ROBO1: variants seen among roughly 807,000 people sequenced by gnomAD.
ROBO1 encodes roundabout guidance receptor 1.
A neutral mutation model predicts 195.9 loss-of-function variants in ROBO1; 149 were observed. The ratio of observed to expected loss-of-function variants is 0.76; its 90% CI spans 0.67 to 0.87. The LOEUF (loss-of-function observed/expected upper bound fraction) is 0.87, where lower values mean the gene tolerates loss of function less well. Ranked by LOEUF, ROBO1 falls within the 40% of genes least tolerant of loss-of-function variation. The pLI, the probability that ROBO1 is intolerant of heterozygous loss-of-function variation, is 0.00. For missense variants in ROBO1, 1,933 were observed against 2,068.3 expected (o/e 0.93, Z 1.27); for synonymous variants, 816 against 733.2 (o/e 1.11, Z -1.82).
intron 2 of ROBO1, among the ~76,000 whole-genome samples, chr3:79,440,669 T>C (rs1328299380): frequency 6.6e-6 from 1 of 152,124 alleles, no homozygotes; most frequent in Non-Finnish European, 1.5e-5. Flanking sequence ...GAACCATAGA[T>C]ACTGTGGGAC....
chr3:79,497,737 A>G (rs1375997247), intron 2 of ROBO1, among the ~76,000 whole-genome samples: 1 of 152,202 alleles, frequency 6.6e-6, no homozygotes, highest in Non-Finnish European at 1.5e-5. Flanking sequence ...GGTGCTTTCA[A>G]TATGTGCAAT....
At chr3:79,171,855 TTACTTA>T (rs2081172967) in intron 2 of ROBO1, among the ~76,000 whole-genome samples, 3 of 152,264 alleles carry the variant, frequency 2.0e-5, no homozygotes, top group African/African-American at 7.2e-5. Flanking sequence ...TGTAACATTA[TTACTTA>T]TAAGTTATGT....
chr3:79,756,990 A>G (rs1266729910), intron 1 of ROBO1, among the ~76,000 whole-genome samples: 2 of 152,130 alleles, frequency 1.3e-5, no homozygotes, highest in Non-Finnish European at 2.9e-5. Context: ...GTGTATCAGA[A>G]TTTCATTTCT....
intron 2 of ROBO1, among the ~76,000 whole-genome samples, chr3:79,573,077 T>A (rs1943334323): frequency 2.0e-5 from 3 of 152,082 alleles, no homozygotes; most frequent in African/African-American, 7.2e-5. Flanking sequence ...TGAGACAGGG[T>A]CTTGTTCTGC....
chr3:79,072,343 G>A (rs984350475), intron 3 of ROBO1, among the ~76,000 whole-genome samples: 32 of 151,772 alleles, frequency 2.1e-4, no homozygotes, highest in Admixed American at 5.3e-4. Flanking sequence ...AATTAACATG[G>A]AATTTGTTTC....
chr3:79,156,243 T>C (rs1315894000), intron 2 of ROBO1, among the ~76,000 whole-genome samples: 4 of 151,396 alleles, frequency 2.6e-5, no homozygotes, highest in East Asian at 3.9e-4. Flanking sequence ...ACGGTGTACC[T>C]ACAGCAATAG....
rs1306004565 is a variant in ROBO1, at chr3:79,620,977, AT to A, written c.-50-31017del. ...CCTTATCAACCAAATTGTCTTGCCT[AT>A]CCACCCCATGGTGCCAAACCCATAT... On this transcript the variant is annotated intron_variant, in intron 1 of 30. Transcript: ENST00000464233. Among the ~76,000 whole-genome samples the A allele has an allele frequency of 2.0e-5, 3 of 152,042 alleles. No individual in the cohort carries two copies. The South Asian group carries it at 6.2e-4, about 32-fold the overall frequency.
At chr3:79,038,728 A>C (rs1306594046) in intron 3 of ROBO1, among the ~76,000 whole-genome samples, 5 of 152,156 alleles carry the variant, frequency 3.3e-5, no homozygotes, top group Admixed American at 3.3e-4. Flanking sequence ...AAAAAAAAAA[A>C]AACTCTCCCT....
intron 3 of ROBO1, among the ~76,000 whole-genome samples, chr3:79,074,012 G>GT (rs1458969872): frequency 6.6e-6 from 1 of 151,426 alleles, no homozygotes; most frequent in Non-Finnish European, 1.5e-5. Flanking sequence ...TGCTTCCACA[G>GT]TAATTCATAG....
At chr3:78,768,411 A>G (rs968624933) in intron 4 of ROBO1, among the ~76,000 whole-genome samples, 1 of 151,988 alleles carries the variant, frequency 6.6e-6, no homozygotes, top group Non-Finnish European at 1.5e-5. Flanking sequence ...TTAAAAAAAT[A>G]TATGTTCCTG....
At chr3:79,420,134 T>G (rs2038167112) in intron 2 of ROBO1, among the ~76,000 whole-genome samples, 1 of 152,188 alleles carries the variant, frequency 6.6e-6, no homozygotes, top group Admixed American at 6.6e-5. Flanking sequence ...ATTATATTCC[T>G]ACCTGAACAG....
intron 10 of ROBO1, among the ~76,000 whole-genome samples, chr3:78,677,527 G>C (rs1011461761): frequency 2.2e-4 from 33 of 151,974 alleles, no homozygotes; most frequent in Admixed American, 1.8e-3. Context: ...TGCAATCCTA[G>C]TCTCTGATAA....
At chr3:79,098,923 T>A (rs553679373) in intron 3 of ROBO1, among the ~76,000 whole-genome samples, 111 of 151,888 alleles carry the variant, frequency 7.3e-4, no homozygotes, top group Middle Eastern at 3.4e-3. Context: ...TTCCTAACAA[T>A]CACTATGAAA....
intron 2 of ROBO1, among the ~76,000 whole-genome samples, chr3:79,552,232 C>A (rs1469736306): frequency 1.3e-5 from 2 of 151,934 alleles, no homozygotes; most frequent in African/African-American, 4.8e-5. Context: ...ACAACACATA[C>A]TATATCTCTT....
chr3:78,947,993 T>C (rs1576451040), intron 3 of ROBO1, among the ~76,000 whole-genome samples: 1 of 152,306 alleles, frequency 6.6e-6, no homozygotes, highest in African/African-American at 2.4e-5. Context: ...AATCTCTGAA[T>C]AGACCAATAA....
At chr3:78,853,777 G>A (rs1436892073) in intron 4 of ROBO1, among the ~76,000 whole-genome samples, 1 of 152,048 alleles carries the variant, frequency 6.6e-6, no homozygotes, top group Non-Finnish European at 1.5e-5. Flanking sequence ...ACAGTTCCAC[G>A]TGACTGGAGA....
intron 3 of ROBO1, among the ~76,000 whole-genome samples, chr3:79,052,907 CAA>C (rs2078731136): frequency 6.6e-6 from 1 of 151,988 alleles, no homozygotes; most frequent in Admixed American, 6.6e-5. Context: ...CTATGGGTCA[CAA>C]AGAGTCTAAA....
intron 4 of ROBO1, among the ~76,000 whole-genome samples, chr3:78,794,676 C>G (rs1416223064): frequency 1.3e-5 from 2 of 152,118 alleles, no homozygotes; most frequent in Non-Finnish European, 2.9e-5. Context: ...GCCTCAACTT[C>G]CTGGATTCTC....
intron 2 of ROBO1, among the ~76,000 whole-genome samples, chr3:79,350,200 T>C (rs1234435458): frequency 6.6e-6 from 1 of 152,170 alleles, no homozygotes; most frequent in Non-Finnish European, 1.5e-5. Context: ...AAAAGATGCT[T>C]AACGTCATTA....
Sources: allele counts gnomAD v4.1 joint callset (sites outside exome capture counted in the v4.1 genomes callset), GRCh38; gene constraint gnomAD v4.1.1; transcripts MANE v1.5; gene names NCBI Gene and HGNC (gene_info 2026-07-23, HGNC 2026-07-21).